Variants in IQSEC1 observed in about 807,000 individuals in gnomAD.
IQSEC1 encodes the protein IQ motif and Sec7 domain ArfGEF 1.
IQSEC1 carries 31 observed loss-of-function variants against 91.0 expected under a neutral mutation model. The ratio of observed to expected loss-of-function variants is 0.34; its 90% confidence interval spans 0.26 to 0.46. The LOEUF is 0.46. Among genes scored for constraint, IQSEC1 ranks in the 20% least tolerant of loss-of-function variants. The pLI is 1.00. For synonymous variants in IQSEC1, 699 were observed against 662.6 expected, an observed-to-expected ratio of 1.05 and a Z score of -0.84; for missense variants, 1,388 against 1,575.6, an observed-to-expected ratio of 0.88 and a Z score of 2.02.
rs139579685 is a variant in IQSEC1, at chr3:12,968,857, T to C, written c.24-26992A>G. Among the ~76,000 whole-genome samples the C allele has an allele frequency of 8.9e-3, 1,353 of 152,286 alleles. 14 individuals are homozygous for C. The highest frequency in any genetic ancestry group is 0.014 in the Middle Eastern group (4 of 292). ...GCAAGAAGCCATCAAGGCAGGGGCA[T>C]TGTCTTGTGCCCTTCTGAATCTTTC... On this transcript the variant is annotated intron_variant, in intron 1 of 13. Coordinates refer to ENST00000613206, the MANE Select transcript of IQSEC1 (RefSeq NM_001134382.3).
chr3:13,080,362 G>A (rs1705629726), intron 2 of IQSEC1, among the ~76,000 whole-genome samples: 1 of 151,966 alleles, frequency 6.6e-6, no homozygotes, highest in African/African-American at 2.4e-5. Flanking sequence ...GATGGGGTGG[G>A]GACAAGGCAT....
At chr3:13,139,590 G>C (rs962501910) in intron 2 of IQSEC1, among the ~76,000 whole-genome samples, 2 of 152,242 alleles carry the variant, frequency 1.3e-5, no homozygotes, top group South Asian at 4.1e-4. Context: ...TCCAGTGACA[G>C]GGTGTTTGCG....
chr3:12,908,398 G>A lies in IQSEC1; in HGVS notation c.2706C>T (p.Gly902=). 1 of 1,612,814 alleles carries A rather than the reference G, an allele frequency of 6.2e-7. No homozygotes were observed. Among genetic ancestry groups the A allele is most frequent in the Non-Finnish European group, 8.5e-7 (1 of 1,180,028 alleles). The change falls in exon 12 of 14, where the codon GGC becomes GGT. Residue 902 remains glycine, a synonymous_variant. Coordinates refer to ENST00000613206, the MANE Select transcript of IQSEC1 (RefSeq NM_001134382.3). The surrounding 1 kb of genome is among the most constrained non-coding windows in gnomAD (Gnocchi z 4.9). ...AGCTGCTGAGGGCGCTGCGCTTGAG[G>A]CCCTCACCGCTGGCATAGCTGTCGT... The part of the protein sequence containing the change: ...CLDDSYASGE[G]LKRSALSSSL...
chr3:13,046,942 C>T (rs1704518038), intron 1 of IQSEC1, among the ~76,000 whole-genome samples: 1 of 152,216 alleles, frequency 6.6e-6, no homozygotes, highest in Admixed American at 6.5e-5. Flanking sequence ...TTCCTCTAAG[C>T]GCAGTCTCCA....
chr3:12,897,236 T>C lies in IQSEC1; in HGVS notation c.*3747A>G, dbSNP rs1300107795. Reference sequence around the variant, plus strand: ...GAGAATCCGAGAGTTTCAAAGGATTTATTTGATTTCCCCACATGATCACAA... The same window carrying C: ...GAGAATCCGAGAGTTTCAAAGGATTCATTTGATTTCCCCACATGATCACAA... On this transcript the variant is annotated 3_prime_UTR_variant, in exon 14 of 14. Transcript: ENST00000613206. The C allele has an allele frequency of 1.3e-5, 2 of 152,218 alleles. No homozygotes were observed. Among genetic ancestry groups the C allele is most frequent in the Non-Finnish European group, 2.9e-5 (2 of 68,048 alleles). 9.4% of individuals were successfully genotyped at this position (152,218 alleles called of 1,614,324 possible).
intron 1 of IQSEC1, among the ~76,000 whole-genome samples, chr3:13,031,060 A>C (rs1466834316): frequency 6.6e-6 from 1 of 152,286 alleles, no homozygotes; most frequent in African/African-American, 2.4e-5. Context: ...TGTAAGTAGA[A>C]GGTTACCATG....
intron 1 of IQSEC1, among the ~76,000 whole-genome samples, chr3:12,972,383 A>G (rs900760021): frequency 6.6e-6 from 1 of 152,156 alleles, no homozygotes; most frequent in African/African-American, 2.4e-5. Flanking sequence ...GAGGCTCTGA[A>G]GCCCACCAGA....
chr3:13,017,773 A>G (rs1703207919), intron 1 of IQSEC1, among the ~76,000 whole-genome samples: 1 of 152,122 alleles, frequency 6.6e-6, no homozygotes, highest in South Asian at 2.1e-4. Context: ...GGCTGAGGCA[A>G]TGGTGAGGCC....
chr3:13,154,296 C>G (rs145315206), intron 2 of IQSEC1, among the ~76,000 whole-genome samples: 2 of 150,510 alleles, frequency 1.3e-5, no homozygotes, highest in Non-Finnish European at 3.0e-5. Flanking sequence ...CTGCCAGACA[C>G]GCACAAGGGC....
chr3:13,252,858 G>A (rs867102467), intron 1 of IQSEC1, among the ~76,000 whole-genome samples: 8 of 151,978 alleles, frequency 5.3e-5, no homozygotes, highest in Non-Finnish European at 1.2e-4. Context: ...TCAGCCTCCC[G>A]AGTAGCTGGG....
chr3:12,956,840 ACT>A (rs1384938780), intron 1 of IQSEC1, among the ~76,000 whole-genome samples: 50 of 151,724 alleles, frequency 3.3e-4, no homozygotes, highest in African/African-American at 1.2e-3. Context: ...AGTGCCCTCC[ACT>A]CTCTGGGCTT....
intron 2 of IQSEC1, among the ~76,000 whole-genome samples, chr3:13,128,118 C>T (rs1202270405): frequency 6.6e-6 from 1 of 152,096 alleles, no homozygotes; most frequent in Admixed American, 6.6e-5. Context: ...AAAATAGGGA[C>T]AGTTTTATTT....
At chr3:13,166,069 G>A (rs1179172357) in intron 1 of IQSEC1, among the ~76,000 whole-genome samples, 1 of 152,158 alleles carries the variant, frequency 6.6e-6, no homozygotes, top group Non-Finnish European at 1.5e-5. Flanking sequence ...AGGAAGGTTT[G>A]GGGCACTCCT....
chr3:12,927,100 C>G (rs1160093886), intron 3 of IQSEC1, among the ~76,000 whole-genome samples: 1 of 152,214 alleles, frequency 6.6e-6, no homozygotes, highest in African/African-American at 2.4e-5. Flanking sequence ...TCCTCACCAT[C>G]CTGCTCCATG....
intron 6 of IQSEC1, among the ~76,000 whole-genome samples, chr3:12,916,598 G>C (rs1264274884): frequency 6.6e-6 from 1 of 152,200 alleles, no homozygotes; most frequent in Non-Finnish European, 1.5e-5. Context: ...CTCCAACCCG[G>C]GGTAGGCAAC....
intron 2 of IQSEC1, among the ~76,000 whole-genome samples, chr3:13,145,091 G>C (rs150072227): frequency 6.6e-6 from 1 of 152,328 alleles, no homozygotes; most frequent in East Asian, 1.9e-4. Context: ...AAGGGTGGGG[G>C]GGCTGGCATG....
At chr3:13,055,185 C>T (rs1333285328) in intron 1 of IQSEC1, among the ~76,000 whole-genome samples, 1 of 152,246 alleles carries the variant, frequency 6.6e-6, no homozygotes, top group Non-Finnish European at 1.5e-5. Flanking sequence ...ACTGCCCTGC[C>T]CAGGAGCTCA....
intron 9 of IQSEC1, 33 bp from the exon 10 acceptor site, chr3:12,911,761 G>C (rs1180663553): frequency 6.9e-7 from 1 of 1,440,184 alleles, no homozygotes; most frequent in South Asian, 1.1e-5. Flanking sequence ...CTGAGCTACA[G>C]TGTCTCGGGG....
At chr3:13,013,207 C>T (rs1310269139) in intron 1 of IQSEC1, among the ~76,000 whole-genome samples, 5 of 152,140 alleles carry the variant, frequency 3.3e-5, no homozygotes, top group Non-Finnish European at 7.3e-5. Context: ...GTGATCCGCC[C>T]GCCTTGGCCT....
Sources: gnomAD v4.1 joint callset for allele counts (sites outside exome capture counted in the v4.1 genomes callset) on GRCh38, gnomAD v4.1.1 for gene constraint, Gnocchi (gnomAD v3.1) non-coding constraint, MANE v1.5 for transcripts, NCBI Gene and HGNC (gene_info 2026-07-23, HGNC 2026-07-21) for gene names.